The following MARCHF1 variants were observed in gnomAD, a reference collection of about 807,000 sequenced individuals.
MARCHF1 encodes the protein membrane associated ring-CH-type finger 1.
MARCHF1 carries 40 observed loss-of-function variants against 54.2 expected under a neutral mutation model. The ratio of observed to expected loss-of-function variants is 0.74; its 90% confidence interval spans 0.57 to 0.96. The LOEUF is 0.96. Among genes scored for constraint, MARCHF1 ranks in the 40% least tolerant of loss-of-function variants. The pLI, the probability that MARCHF1 is intolerant of heterozygous loss-of-function variation, is 0.00. For missense variants in MARCHF1, 586 were observed against 656.5 expected (o/e 0.89, Z 1.17); for synonymous variants, 236 against 236.3 (o/e 1.00, Z 0.01).
chr4:164,052,687 A>G (rs1341396885), intron 2 of MARCHF1, among the ~76,000 whole-genome samples: 2 of 152,154 alleles, frequency 1.3e-5, no homozygotes, highest in African/African-American at 2.4e-5. Context: ...CATCACCCCC[A>G]TGGAACAGGG....
At chr4:163,803,162 A>T (rs1561085932) in intron 4 of MARCHF1, among the ~76,000 whole-genome samples, 1 of 152,044 alleles carries the variant, frequency 6.6e-6, no homozygotes, top group African/African-American at 2.4e-5. Context: ...AATGTAAAAC[A>T]TATTATTATT....
At chr4:163,641,949 G>T (rs1742569413) in intron 5 of MARCHF1, among the ~76,000 whole-genome samples, 3 of 152,036 alleles carry the variant, frequency 2.0e-5, no homozygotes, top group Admixed American at 1.3e-4. Context: ...TATGTCTTCT[G>T]TCCACCAGTG....
In MARCHF1 at chr4:164,143,548, C is replaced by G. The variant is rs371414637; in HGVS notation, c.-322-31886G>C. On this transcript the variant is annotated intron_variant, in intron 1 of 9. Coordinates refer to ENST00000514618, the MANE Select transcript of MARCHF1 (RefSeq NM_001394959.1). ...TTCTTAAAGAAAAGAATTTTCAACC[C>G]AGAATTTCATATCCAGCCAAACTAA... Among the ~76,000 whole-genome samples the G allele has an allele frequency of 1.2e-3, 178 of 151,116 alleles. 4 individuals are homozygous for G. The East Asian group carries it at 0.033, about 28-fold the overall frequency.
rs560408824 is a variant in MARCHF1, at chr4:164,042,886, T to C, written c.-247-54177A>G. On this transcript the variant is annotated intron_variant, in intron 2 of 9. Transcript: ENST00000514618. ...CAGACGGCTACAGGTCCCATGCAAG[T>C]CCAAAACCCAGCAGGGCAGTCATTC... Among the ~76,000 whole-genome samples, 5 of 152,260 alleles carry C rather than the reference T, an allele frequency of 3.3e-5. No homozygotes were observed. In the East Asian group the frequency reaches 9.7e-4, roughly 29 times the overall value.
chr4:163,831,708 G>A (rs1158407889), intron 4 of MARCHF1, among the ~76,000 whole-genome samples: 3 of 152,172 alleles, frequency 2.0e-5, no homozygotes, highest in African/African-American at 7.2e-5. Flanking sequence ...AAATGTTTGA[G>A]GAAACAGGAA....
rs563835546 is a variant in MARCHF1 at position 164,087,167 on chromosome 4, T to A, written c.-248+24421A>T. Among the ~76,000 whole-genome samples the A allele has an allele frequency of 6.6e-5, 10 of 152,098 alleles. No individual in the cohort carries two copies. The South Asian group carries it at 2.1e-3, about 32-fold the overall frequency. ...GATGTTTTGGTCAATTTACTGAAAATTTTCTTTTTTCTAAATAATTAAGAA... is the reference window on the plus strand; with the variant it reads ...GATGTTTTGGTCAATTTACTGAAAAATTTCTTTTTTCTAAATAATTAAGAA... On this transcript the variant is annotated intron_variant, in intron 2 of 9. Coordinates refer to ENST00000514618, the MANE Select transcript of MARCHF1 (RefSeq NM_001394959.1).
chr4:164,121,994 C>T (rs1756076883), intron 1 of MARCHF1, among the ~76,000 whole-genome samples: 1 of 152,114 alleles, frequency 6.6e-6, no homozygotes, highest in African/African-American at 2.4e-5. Context: ...AGATATTCAT[C>T]ATGACCAAGT....
At chr4:163,654,189 A>G (rs543557685) in intron 5 of MARCHF1, among the ~76,000 whole-genome samples, 2 of 151,740 alleles carry the variant, frequency 1.3e-5, no homozygotes, top group Non-Finnish European at 3.0e-5. Flanking sequence ...TGTGGGATTC[A>G]TTGTTCACCT....
chr4:164,303,218 A>T (rs1734609780), intron 1 of MARCHF1, among the ~76,000 whole-genome samples: 2 of 152,194 alleles, frequency 1.3e-5, no homozygotes, highest in Non-Finnish European at 2.9e-5. Flanking sequence ...TCCTTCTTCC[A>T]ATCTTATGAC....
intron 3 of MARCHF1, among the ~76,000 whole-genome samples, chr4:163,959,788 T>C (rs1327689054): frequency 6.6e-6 from 1 of 151,908 alleles, no homozygotes; most frequent in Non-Finnish European, 1.5e-5. Flanking sequence ...CCAAAAATAA[T>C]TGCAACAAAT....
intron 4 of MARCHF1, among the ~76,000 whole-genome samples, chr4:163,837,729 T>C (rs1749229143): frequency 6.6e-6 from 1 of 152,002 alleles, no homozygotes; most frequent in Non-Finnish European, 1.5e-5. Context: ...CACTAACATG[T>C]CTCTGTAACT....
At chr4:164,276,542 T>A (rs1297786957) in intron 1 of MARCHF1, among the ~76,000 whole-genome samples, 1 of 151,280 alleles carries the variant, frequency 6.6e-6, no homozygotes. Flanking sequence ...TGTGTGTGTA[T>A]ATATATAGTA....
chr4:163,893,581 G>A (rs535758233), intron 3 of MARCHF1, among the ~76,000 whole-genome samples: 7 of 152,248 alleles, frequency 4.6e-5, no homozygotes, highest in African/African-American at 1.7e-4. Context: ...TATACAAATG[G>A]AAAGGGAACT....
chr4:163,869,221 C>G (rs1000100503), intron 3 of MARCHF1, among the ~76,000 whole-genome samples: 1 of 151,950 alleles, frequency 6.6e-6, no homozygotes, highest in Admixed American at 6.6e-5. Context: ...GCTTTATTTC[C>G]CCAAGCATAA....
chr4:164,249,029 CT>C (rs1288008791), intron 1 of MARCHF1, among the ~76,000 whole-genome samples: 1 of 152,058 alleles, frequency 6.6e-6, no homozygotes, highest in Non-Finnish European at 1.5e-5. Context: ...TTTACCAAAA[CT>C]TTTCCCCAAG....
chr4:164,002,068 T>C (rs1753196308), intron 2 of MARCHF1, among the ~76,000 whole-genome samples: 1 of 151,676 alleles, frequency 6.6e-6, no homozygotes, highest in South Asian at 2.1e-4. Flanking sequence ...AAAACAAGCC[T>C]CTAAAGGAAG....
intron 1 of MARCHF1, among the ~76,000 whole-genome samples, chr4:164,369,914 A>T (rs1730988038): frequency 6.6e-6 from 1 of 152,248 alleles, no homozygotes; most frequent in Non-Finnish European, 1.5e-5. Flanking sequence ...AAAAATCAAC[A>T]TGCATCACCA....
At chr4:164,276,675 T>C (rs1049891482) in intron 1 of MARCHF1, among the ~76,000 whole-genome samples, 8 of 151,102 alleles carry the variant, frequency 5.3e-5, no homozygotes, top group African/African-American at 1.9e-4. Context: ...CAAGAATGTA[T>C]ACAATTATGG....
intron 2 of MARCHF1, among the ~76,000 whole-genome samples, chr4:164,062,979 T>C (rs926083046): frequency 4.6e-5 from 7 of 152,214 alleles, no homozygotes; most frequent in Non-Finnish European, 1.0e-4. Context: ...TAATGATCAG[T>C]AATGTTTTAG....
Sources: allele counts gnomAD v4.1 joint callset (sites outside exome capture counted in the v4.1 genomes callset), GRCh38; gene constraint gnomAD v4.1.1; transcripts MANE v1.5; gene names NCBI Gene and HGNC (gene_info 2026-07-23, HGNC 2026-07-21).